The following RGPD3 variants were observed in gnomAD, a reference collection of about 807,000 sequenced individuals.
The protein encoded by RGPD3 is RANBP2 like and GRIP domain containing 3.
In RGPD3, 62 loss-of-function variants were observed where a neutral mutation model predicts 154.5. The observed-to-expected ratio is 0.40, with a 90% CI of 0.33 to 0.50. The LOEUF (loss-of-function observed/expected upper bound fraction) is 0.50. RGPD3 is among the 20% of genes least tolerant of loss of function. The pLI is 0.59. For synonymous variants in RGPD3, 308 were observed against 607.0 expected (o/e 0.51, Z 7.24); for missense variants, 919 against 1,716.8 (o/e 0.54, Z 8.21).
Position 106,423,179 on chromosome 2 carries a change from T to TTTGC in RGPD3, c.4784_4787dup (p.Val1597GlnfsTer5), listed in dbSNP as rs1305161056. The TTTGC allele has an allele frequency of 6.2e-7, 1 of 1,606,700 alleles. No homozygotes were observed. Among genetic ancestry groups the TTTGC allele is most frequent in the African/African-American group, 1.3e-5 (1 of 74,610 alleles). On this transcript the variant is annotated frameshift_variant, in exon 20 of 23. Coordinates refer to ENST00000409886, the MANE Select transcript of RGPD3 (RefSeq NM_001144013.2). LOFTEE classifies it high-confidence loss of function. ...ACAGTTCACATTTTTTAGGTTCCAC[T>TTTGC]TTGCTTTCAGATCCACTCTGGGCTA...
chr2:106,446,830 C>T (rs1221509791), intron 7 of RGPD3, among the ~76,000 whole-genome samples: 3 of 151,354 alleles, frequency 2.0e-5, no homozygotes, highest in East Asian at 1.9e-4. Context: ...TGCAGTGAGC[C>T]GAGATCACGC....
At chr2:106,466,236 A>G (rs1270538254) in intron 1 of RGPD3, among the ~76,000 whole-genome samples, 1 of 152,050 alleles carries the variant, frequency 6.6e-6, no homozygotes, top group African/African-American at 2.4e-5. Flanking sequence ...CGGTCCCCCC[A>G]GGACTCTTCC....
chr2:106,418,012 C>T (rs1214540214), intron 20 of RGPD3, among the ~76,000 whole-genome samples: 3 of 145,922 alleles, frequency 2.1e-5, no homozygotes, highest in African/African-American at 2.5e-5. Flanking sequence ...GCCTGTAATC[C>T]CAGCTGCTGG....
At chr2:106,457,922 T>TC in intron 2 of RGPD3, among the ~76,000 whole-genome samples, 1 of 34,788 alleles carries the variant, frequency 2.9e-5, no homozygotes, top group Admixed American at 4.2e-4. Flanking sequence ...ACCAAATTTT[T>TC]CTCCAGTGTT....
rs1313615215 is a variant in RGPD3 at position 106,403,530 on chromosome 2, A to G, written c.*1689T>C. Among the ~76,000 whole-genome samples, 5 of 152,242 alleles carry G rather than the reference A, an allele frequency of 3.3e-5. No individual in the cohort carries two copies. Among genetic ancestry groups the G allele is most frequent in the African/African-American group, 1.2e-4 (5 of 41,480 alleles). On this transcript the variant is annotated 3_prime_UTR_variant, in exon 23 of 23. Coordinates refer to ENST00000409886, the MANE Select transcript of RGPD3 (RefSeq NM_001144013.2). The stretch of plus-strand genomic sequence containing the variant: ...TCATGCAAAAAAGTATTTTGTTATG[A>G]CATTTGTAAGTGGAGACTATATTTC...
At chr2:106,467,751 G>A (rs1402597580) in intron 1 of RGPD3, among the ~76,000 whole-genome samples, 34 of 139,958 alleles carry the variant, frequency 2.4e-4, no homozygotes, top group Middle Eastern at 4.7e-3. Context: ...AGGGAGCAGC[G>A]CCCGTCGGGA....
intron 7 of RGPD3, among the ~76,000 whole-genome samples, chr2:106,441,863 C>CA (rs1166971652): frequency 0.13 from 1,811 of 13,636 alleles, 547 homozygotes; most frequent in East Asian, 0.56. Flanking sequence ...GACTCCATCG[C>CA]AAAAAAAAAA....
chr2:106,424,928 A>G lies in RGPD3; in HGVS notation c.3039T>C (p.Asn1013=), dbSNP rs1362436316. 2.3e-5 allele frequency: 37 copies of G among 1,611,704 alleles called. No homozygotes were observed. The highest frequency in any genetic ancestry group is 3.1e-5 in the Non-Finnish European group (37 of 1,179,828). The change falls in exon 20 of 23, where the codon AAT becomes AAC. Residue 1013 remains asparagine (N), a synonymous_variant. Coordinates refer to ENST00000409886, the MANE Select transcript of RGPD3 (RefSeq NM_001144013.2). ...LFSSQYGKMA[N]KANTSGDFEK... is the part of the protein sequence containing the mutation. ...CAAAGTCACCGGAAGTGTTTGCTTT[A>G]TTGGCCATTTTACCGTATTGTGATG...
At chr2:106,441,253 T>G (rs574343149) in intron 8 of RGPD3, 40 bp downstream of exon 8, 1 of 1,547,802 alleles carries the variant, frequency 6.5e-7, no homozygotes, top group Non-Finnish European at 8.8e-7. Flanking sequence ...CAGAAATTCC[T>G]TTTTCTTTTT....
At chr2:106,443,692 T>A (rs1046850160) in intron 7 of RGPD3, among the ~76,000 whole-genome samples, 1 of 121,940 alleles carries the variant, frequency 8.2e-6, no homozygotes, top group African/African-American at 3.2e-5. Flanking sequence ...TTCCTTTTTT[T>A]TTTTTTTTTT....
intron 1 of RGPD3, among the ~76,000 whole-genome samples, chr2:106,464,203 G>A (rs1437431114): frequency 6.6e-5 from 10 of 152,098 alleles, no homozygotes; most frequent in East Asian, 1.9e-4. Context: ...AAAATTAGCC[G>A]GGTGTTGTGG....
chr2:106,457,355 C>G (rs1416229203), intron 3 of RGPD3, among the ~76,000 whole-genome samples: 28 of 152,254 alleles, frequency 1.8e-4, no homozygotes, highest in Non-Finnish European at 4.0e-4. Context: ...ATGCAAAAAA[C>G]ACAAAAGAAC....
intron 1 of RGPD3, among the ~76,000 whole-genome samples, chr2:106,467,123 A>C (rs1428544102): frequency 1.5e-4 from 12 of 81,534 alleles, no homozygotes; most frequent in African/African-American, 1.6e-4. Flanking sequence ...GCGCCTCAAC[A>C]GAGCGCGCCA....
At position 106,403,450 on chromosome 2, in the gene RGPD3, C is replaced by T. The variant is rs1676419635; in HGVS notation, c.*1769G>A. Among the ~76,000 whole-genome samples the T allele has an allele frequency of 6.6e-6, 1 of 152,106 alleles. No homozygotes were observed. On this transcript the variant is annotated 3_prime_UTR_variant, in exon 23 of 23. Coordinates refer to ENST00000409886, the MANE Select transcript of RGPD3 (RefSeq NM_001144013.2). ...TAGAAATATTAAAATAATCATTACA[C>T]TTCCTCTCATTGCAGAAACCATGAA...
intron 22 of RGPD3, among the ~76,000 whole-genome samples, chr2:106,408,771 C>G (rs926447466): frequency 8.6e-5 from 13 of 151,986 alleles, no homozygotes; most frequent in Non-Finnish European, 1.0e-4. Flanking sequence ...ACTGCAGCCT[C>G]GAACCCCTTA....
chr2:106,468,242 T>G lies in RGPD3; in HGVS notation c.47A>C (p.Gln16Pro). Reference sequence around the variant, plus strand: ...CTTTCGAGGCGACGGGGCGGAGCCCTGCACCGAGGCGACGTACCGCTCCCC... The same window carrying G: ...CTTTCGAGGCGACGGGGCGGAGCCCGGCACCGAGGCGACGTACCGCTCCCC... ...AYGERYVASV[Q>P]GSAPSPRKKS... Residue 16 changes from glutamine to proline, a missense_variant, in exon 1 of 23, where the codon CAG becomes CCG. Physicochemically the swap from Gln to Pro is moderately conservative, Grantham distance 76 (BLOSUM62 -1). Coordinates refer to ENST00000409886, the MANE Select transcript of RGPD3 (RefSeq NM_001144013.2). 1.2e-6 allele frequency: 2 copies of G among 1,607,818 alleles called. No homozygotes were observed. The highest frequency in any genetic ancestry group is 2.2e-5 in the South Asian group (2 of 89,966).
intron 6 of RGPD3, among the ~76,000 whole-genome samples, chr2:106,449,847 C>T (rs1465869347): frequency 2.0e-5 from 3 of 151,498 alleles, no homozygotes; most frequent in Non-Finnish European, 2.9e-5. Context: ...GAAACCCCAT[C>T]TCTACTAAAA....
intron 22 of RGPD3, among the ~76,000 whole-genome samples, chr2:106,406,329 C>T (rs1573234182): frequency 6.7e-6 from 1 of 148,886 alleles, no homozygotes; most frequent in Non-Finnish European, 1.5e-5. Flanking sequence ...GCTTCTCCCA[C>T]TCCTTGGCAA....
At chr2:106,450,696 ACT>A (rs1279993191) in intron 6 of RGPD3, among the ~76,000 whole-genome samples, 2 of 61,600 alleles carry the variant, frequency 3.2e-5, no homozygotes, top group African/African-American at 7.7e-5. Flanking sequence ...ACAGAGCGAG[ACT>A]CTGTCTCAAA....
Sources: gnomAD v4.1 joint callset for allele counts (sites outside exome capture counted in the v4.1 genomes callset) on GRCh38, gnomAD v4.1.1 for gene constraint, MANE v1.5 for transcripts, NCBI Gene and HGNC (gene_info 2026-07-23, HGNC 2026-07-21) for gene names.